ST18: variants seen among roughly 807,000 people sequenced by gnomAD.
ST18 encodes suppression of tumorigenicity 18 protein.
Under a neutral mutation model 110.0 loss-of-function variants are expected in ST18, and 50 were observed. The observed-to-expected ratio is 0.45, with a 90% CI of 0.36 to 0.58. The LOEUF (loss-of-function observed/expected upper bound fraction) is 0.58. ST18 is among the 20% of genes least tolerant of loss of function. The pLI, the probability that ST18 is intolerant of heterozygous loss-of-function variation, is 0.00. For synonymous variants in ST18, 461 were observed against 452.4 expected (o/e 1.02, Z -0.24); for missense variants, 1,306 against 1,280.1 (o/e 1.02, Z -0.31).
At chr8:52,257,402 A>G (rs1185162430) in intron 2 of ST18, among the ~76,000 whole-genome samples, 2 of 152,114 alleles carry the variant, frequency 1.3e-5, no homozygotes, top group East Asian at 3.9e-4. Context: ...TTCCCCCAGC[A>G]GTGTATAAGA....
At chr8:52,250,445 C>CACAAAAA (rs2094202551) in intron 2 of ST18, among the ~76,000 whole-genome samples, 1 of 4,272 alleles carries the variant, frequency 2.3e-4, no homozygotes, top group Non-Finnish European at 4.2e-4. Flanking sequence ...GCCTCAAAGG[C>CACAAAAA]AAAAAAAAAA....
chr8:52,113,403 A>G, intron 25 of ST18, 65 bp from the exon 26 acceptor site: 2 of 1,581,678 alleles, frequency 1.3e-6, no homozygotes, highest in Non-Finnish European at 1.7e-6. Flanking sequence ...AGAAGGACCC[A>G]GTGACATCGA....
At chr8:52,244,994 T>C (rs191727113) in intron 2 of ST18, among the ~76,000 whole-genome samples, 11 of 152,306 alleles carry the variant, frequency 7.2e-5, no homozygotes, top group Non-Finnish European at 1.2e-4. Flanking sequence ...AGAGTAGTCA[T>C]ATTGTCAGCC....
intron 2 of ST18, chr8:52,249,301 GT>G (rs1221619885): frequency 6.6e-6 from 1 of 152,266 alleles, no homozygotes; most frequent in Non-Finnish European, 1.5e-5. Flanking sequence ...CAGCCCCACG[GT>G]TAGGCTAAGA....
intron 2 of ST18, among the ~76,000 whole-genome samples, chr8:52,307,047 T>A (rs1367028910): frequency 1.3e-5 from 2 of 152,082 alleles, no homozygotes; most frequent in Admixed American, 1.3e-4. Flanking sequence ...AAAAATTCAT[T>A]TGGGCTCACG....
At chr8:52,145,263 A>C (rs1427531053) in intron 16 of ST18, among the ~76,000 whole-genome samples, 1 of 152,108 alleles carries the variant, frequency 6.6e-6, no homozygotes, top group Non-Finnish European at 1.5e-5. Context: ...TGAAAGTTTA[A>C]GTTATTTTAC....
chr8:52,388,624 C>G (rs991788101), intron 2 of ST18, among the ~76,000 whole-genome samples: 5 of 151,754 alleles, frequency 3.3e-5, no homozygotes, highest in African/African-American at 1.2e-4. Flanking sequence ...GATGGCGTAA[C>G]GGTCAGCAGG....
chr8:52,208,373 A>C (rs955274552), intron 8 of ST18, among the ~76,000 whole-genome samples: 1 of 152,224 alleles, frequency 6.6e-6, no homozygotes, highest in African/African-American at 2.4e-5. Context: ...GCTGGATCAC[A>C]ACAAACCTGT....
At chr8:52,396,738 C>A (rs919181714) in intron 2 of ST18, among the ~76,000 whole-genome samples, 5 of 152,146 alleles carry the variant, frequency 3.3e-5, no homozygotes, top group Non-Finnish European at 7.4e-5. Context: ...ATGGGGGAAC[C>A]ACCCCCATGA....
At chr8:52,291,650 T>C (rs1468962933) in intron 2 of ST18, among the ~76,000 whole-genome samples, 1 of 152,232 alleles carries the variant, frequency 6.6e-6, no homozygotes, top group Non-Finnish European at 1.5e-5. Context: ...AAAAATATTA[T>C]ATTGTATCCT....
At chr8:52,176,156 G>A (rs1159002124) in intron 9 of ST18, among the ~76,000 whole-genome samples, 2 of 151,828 alleles carry the variant, frequency 1.3e-5, no homozygotes, top group Admixed American at 6.6e-5. Context: ...TGAGTAGCTG[G>A]GATTACAAGC....
At chr8:52,146,564 C>T (rs1313154041) in intron 16 of ST18, among the ~76,000 whole-genome samples, 1 of 151,950 alleles carries the variant, frequency 6.6e-6, no homozygotes, top group African/African-American at 2.4e-5. Flanking sequence ...CATTTCTCCT[C>T]TAAAAAATCT....
chr8:52,396,096 C>T (rs185140604), intron 2 of ST18, among the ~76,000 whole-genome samples: 1 of 152,058 alleles, frequency 6.6e-6, no homozygotes, highest in East Asian at 1.9e-4. Context: ...AAAATAGTCA[C>T]CATAGTGAAG....
chr8:52,318,744 GC>G (rs1157860641), intron 2 of ST18, among the ~76,000 whole-genome samples: 1 of 152,178 alleles, frequency 6.6e-6, no homozygotes, highest in Non-Finnish European at 1.5e-5. Context: ...GGAATACTAT[GC>G]TGCCATAAAA....
chr8:52,152,323 T>C (rs2132617117), intron 15 of ST18, among the ~76,000 whole-genome samples: 1 of 152,286 alleles, frequency 6.6e-6, no homozygotes, highest in Non-Finnish European at 1.5e-5. Context: ...TCTCTGTGCT[T>C]GAAACTCCAA....
At chr8:52,174,907 G>A (rs2066313446) in intron 9 of ST18, among the ~76,000 whole-genome samples, 1 of 152,178 alleles carries the variant, frequency 6.6e-6, no homozygotes, top group South Asian at 2.1e-4. Flanking sequence ...AGAGATCTGT[G>A]ATGGGGTGCT....
intron 23 of ST18, 42 bp downstream of exon 23, chr8:52,126,010 A>G (rs1235126803): frequency 6.4e-7 from 1 of 1,555,734 alleles, no homozygotes; most frequent in South Asian, 1.1e-5. Flanking sequence ...GCCAGGGTCT[A>G]CACCCTGCAG....
At chr8:52,322,308 T>TA (rs1804301199) in intron 2 of ST18, among the ~76,000 whole-genome samples, 1 of 152,158 alleles carries the variant, frequency 6.6e-6, no homozygotes, top group South Asian at 2.1e-4. Flanking sequence ...TCCTAGTAGA[T>TA]CTCTCCTTCC....
At chr8:52,263,656 G>A (rs555937440) in intron 2 of ST18, among the ~76,000 whole-genome samples, 3 of 148,554 alleles carry the variant, frequency 2.0e-5, no homozygotes, top group Non-Finnish European at 3.0e-5. Flanking sequence ...TGTTGGCCAG[G>A]CTAGTCTTGA....
Sources: allele counts gnomAD v4.1 joint callset (sites outside exome capture counted in the v4.1 genomes callset), GRCh38; gene constraint gnomAD v4.1.1; transcripts MANE v1.5; gene names NCBI Gene and HGNC (gene_info 2026-07-23, HGNC 2026-07-21).